The following CGAS variants were observed in gnomAD, a reference collection of about 807,000 sequenced individuals.
The protein encoded by CGAS is cyclic GMP-AMP synthase.
CGAS carries 31 observed loss-of-function variants against 34.0 expected under a neutral mutation model. The ratio of observed to expected loss-of-function variants is 0.91; its 90% CI spans 0.69 to 1.23. The LOEUF (loss-of-function observed/expected upper bound fraction) is 1.23, where lower values mean the gene tolerates loss of function less well. Ranked by LOEUF, CGAS falls within the 50% of genes most tolerant of loss-of-function variation. The pLI is 0.00. For missense variants in CGAS, 597 were observed against 657.6 expected, an observed-to-expected ratio of 0.91 and a Z score of 1.01; for synonymous variants, 266 against 260.0, an observed-to-expected ratio of 1.02 and a Z score of -0.22.
Position 73,445,636 on chromosome 6 carries a change from G to T in CGAS, c.769C>A (p.Pro257Thr), listed in dbSNP as rs1258767367. The T allele has an allele frequency of 6.2e-7, 1 of 1,612,154 alleles. No homozygotes were observed. Among genetic ancestry groups the T allele is most frequent in the Non-Finnish European group, 8.5e-7 (1 of 1,179,144 alleles). ...AYYFVKFKRN[P>T]KENPLSQFLE... Reference sequence around the variant, plus strand: ...AACTGACTCAGAGGATTTTCTTTCGGATTTCTTTTAAATTTCACAAAGTAA... The same window carrying T: ...AACTGACTCAGAGGATTTTCTTTCGTATTTCTTTTAAATTTCACAAAGTAA... Residue 257 changes from proline (P) to threonine (T), a missense_variant, in exon 2 of 5, where the codon CCG (proline) becomes ACG (threonine). Transcript: ENST00000370315.
At chr6:73,430,627 C>A (rs900098631) in intron 3 of CGAS, among the ~76,000 whole-genome samples, 1 of 148,412 alleles carries the variant, frequency 6.7e-6, no homozygotes, top group African/African-American at 2.5e-5. Flanking sequence ...GACAACAGAG[C>A]GAGGCTCCAT....
intron 2 of CGAS, among the ~76,000 whole-genome samples, chr6:73,442,638 G>A (rs533152319): frequency 6.0e-5 from 8 of 133,390 alleles, no homozygotes; most frequent in Admixed American, 1.7e-4. Context: ...TTGCTCTGTC[G>A]CTCAGGCTGG....
At chr6:73,444,510 T>C (rs1770436921) in intron 2 of CGAS, among the ~76,000 whole-genome samples, 1 of 151,178 alleles carries the variant, frequency 6.6e-6, no homozygotes, top group South Asian at 2.1e-4. Flanking sequence ...GGTTTCTCCA[T>C]GTTGGCCAGG....
intron 3 of CGAS, among the ~76,000 whole-genome samples, chr6:73,435,295 A>G (rs1489529243): frequency 6.6e-6 from 1 of 152,222 alleles, no homozygotes; most frequent in African/African-American, 2.4e-5. Flanking sequence ...CTGAGATATC[A>G]TTTCTTACTT....
At chr6:73,431,907 G>A (rs551334461) in intron 3 of CGAS, among the ~76,000 whole-genome samples, 29 of 150,858 alleles carry the variant, frequency 1.9e-4, no homozygotes, top group African/African-American at 7.1e-4. Flanking sequence ...ACAGCTCACT[G>A]AAACCTCGAC....
chr6:73,439,460 A>C (rs1188451577), intron 3 of CGAS, among the ~76,000 whole-genome samples: 2 of 151,412 alleles, frequency 1.3e-5, no homozygotes, highest in Non-Finnish European at 2.9e-5. Flanking sequence ...CAGCCTGGGC[A>C]ACAAGAGCAA....
In CGAS at chr6:73,428,792, G is replaced by A; in HGVS notation, c.1134C>T (p.Ser378=). The change falls in exon 4 of 5, where the codon TCC becomes TCT. Residue 378 remains serine (S), a synonymous_variant. Coordinates refer to ENST00000370315, the MANE Select transcript of CGAS (RefSeq NM_138441.3). The part of the protein sequence containing the change: ...NGFQEETWRL[S]FSHIEKEILN... ...AAATTTCCTTTTCGATGTGAGAGAA[G>A]GATAGCCGCCATGTTTCTTCTTAAT... is the stretch of plus-strand genomic sequence containing the variant. 6.2e-7 allele frequency: 1 copy of A among 1,613,166 alleles called. No homozygotes were observed. The highest frequency in any genetic ancestry group is 8.5e-7 in the Non-Finnish European group (1 of 1,179,764).
chr6:73,451,683 C>G lies in CGAS; in HGVS notation c.499G>C (p.Ala167Pro), dbSNP rs150220319. 720 of 1,613,990 alleles carry G rather than the reference C, an allele frequency of 4.5e-4. No individual in the cohort carries two copies. Among genetic ancestry groups the G allele is most frequent in the Non-Finnish European group, 4.5e-4 (535 of 1,180,014 alleles). Reference sequence around the variant, plus strand: ...CTGAGCTTCAACTTCTCCAAAACCGCCCGGAGCTTCGAGGCCCCAGGCGCC... The same window carrying G: ...CTGAGCTTCAACTTCTCCAAAACCGGCCGGAGCTTCGAGGCCCCAGGCGCC... ...DAAPGASKLR[A>P]VLEKLKLSRD... Residue 167 changes from alanine to proline, a missense_variant, in exon 1 of 5, where the codon GCG becomes CCG. Physicochemically the swap from Ala to Pro is conservative, Grantham distance 27. Coordinates refer to ENST00000370315, the MANE Select transcript of CGAS (RefSeq NM_138441.3).
intron 2 of CGAS, among the ~76,000 whole-genome samples, chr6:73,440,946 A>G (rs1346242148): frequency 1.3e-5 from 2 of 151,976 alleles, no homozygotes; most frequent in Non-Finnish European, 2.9e-5. Context: ...ATAATTACTG[A>G]TATCTCCCAT....
rs1029287074 is a variant in CGAS at position 73,447,058 on chromosome 6, A to G, written c.658-1311T>C. On this transcript the variant is annotated intron_variant, in intron 1 of 4. Transcript: ENST00000370315. ...GCGACAGTGCGAGACTCCGTCTCAA[A>G]AAATAAATGAATACATATTTTAATC... Among the ~76,000 whole-genome samples the G allele has an allele frequency of 2.0e-5, 3 of 152,250 alleles. No homozygotes were observed. In the East Asian group the frequency reaches 5.8e-4, roughly 29 times the overall value.
intron 1 of CGAS, among the ~76,000 whole-genome samples, chr6:73,451,131 A>G (rs1770558875): frequency 6.6e-6 from 1 of 152,182 alleles, no homozygotes; most frequent in South Asian, 2.1e-4. Context: ...TCTTCCTCAT[A>G]GGAAAAAGTC....
intron 1 of CGAS, among the ~76,000 whole-genome samples, chr6:73,449,832 T>C (rs1770532760): frequency 6.6e-6 from 1 of 151,624 alleles, no homozygotes; most frequent in Non-Finnish European, 1.5e-5. Context: ...CCGTCTCTAC[T>C]AAAAATACAT....
In CGAS at chr6:73,452,110, T is replaced by C. The variant is rs2150020012; in HGVS notation, c.72A>G (p.Ala24=). The C allele has an allele frequency of 6.2e-7, 1 of 1,600,004 alleles. No individual in the cohort carries two copies. The change falls in exon 1 of 5, where the codon GCA becomes GCG. Residue 24 remains alanine (A), a synonymous_variant. Coordinates refer to ENST00000370315, the MANE Select transcript of CGAS (RefSeq NM_138441.3). ...CCATCGGGGCGCCCCTGGCATTCCG[T>C]GCGGAAGCCTTGGGGGCAGTGGCTC... ...EAGATAPKAS[A]RNARGAPMDP...
intron 3 of CGAS, among the ~76,000 whole-genome samples, chr6:73,429,284 AT>A (rs1428590062): frequency 6.6e-6 from 1 of 152,142 alleles, no homozygotes; most frequent in Non-Finnish European, 1.5e-5. Context: ...ATGTATAAAA[AT>A]AAGTACACTG....
At chr6:73,451,496 G>T in intron 1 of CGAS, 29 bp downstream of exon 1, 1 of 1,518,468 alleles carries the variant, frequency 6.6e-7, no homozygotes, top group Non-Finnish European at 8.9e-7. Flanking sequence ...GAGCAGCGGG[G>T]CTCGGCGGGA....
At chr6:73,428,985 G>A (rs1482407207) in intron 3 of CGAS, among the ~76,000 whole-genome samples, 174 bp from the exon 4 acceptor site, 2 of 151,926 alleles carry the variant, frequency 1.3e-5, no homozygotes, top group African/African-American at 2.4e-5. Context: ...TCGGGAGTTC[G>A]AGACCAGCCT....
chr6:73,425,518 G>C lies in CGAS; in HGVS notation c.1278C>G (p.Asp426Glu). ...LLEQLKERFK[D>E]KKHLDKFSSY... ...AAGAGAATTTATCCAGATGTTTTTTGTCTTTAAACCTTTCTTTCAGCTGTT... is the reference window on the plus strand; with the variant it reads ...AAGAGAATTTATCCAGATGTTTTTTCTCTTTAAACCTTTCTTTCAGCTGTT... Residue 426 changes from aspartate to glutamate, a missense_variant, in exon 5 of 5, where the codon GAC (aspartate) becomes GAG (glutamate). Physicochemically the swap from Asp to Glu is conservative, Grantham distance 45. Around this residue, in one of 3 missense-constraint regions of CGAS, gnomAD observed 271 missense variants for 324.1 expected, o/e 0.84. Transcript: ENST00000370315. The C allele has an allele frequency of 6.2e-7, 1 of 1,611,946 alleles. No individual in the cohort carries two copies. The highest frequency in any genetic ancestry group is 2.2e-5 in the East Asian group (1 of 44,852).
chr6:73,443,326 G>A (rs1286112646), intron 2 of CGAS, among the ~76,000 whole-genome samples: 2 of 134,410 alleles, frequency 1.5e-5, no homozygotes, highest in African/African-American at 5.6e-5. Context: ...TGCAACCTCC[G>A]CCTTCTGGGT....
intron 3 of CGAS, 105 bp from the exon 4 acceptor site, chr6:73,428,916 G>A: frequency 3.0e-6 from 3 of 1,000,482 alleles, no homozygotes; most frequent in Non-Finnish European, 4.4e-6. Flanking sequence ...GCTGGGCATG[G>A]GGGCTCACGC....
Sources: gnomAD v4.1 joint callset for allele counts (sites outside exome capture counted in the v4.1 genomes callset) on GRCh38, gnomAD v4.1.1 for gene constraint, gnomAD v4.1.1 regional missense constraint, MANE v1.5 for transcripts, NCBI Gene and HGNC (gene_info 2026-07-23, HGNC 2026-07-21) for gene names.